WNT9B: variants seen among roughly 807,000 people sequenced by gnomAD.
WNT9B encodes the protein Wnt family member 9B, also known as protein Wnt-9b.
In WNT9B, 12 loss-of-function variants were observed where a neutral mutation model predicts 30.2. The observed-to-expected ratio is 0.40, with a 90% confidence interval of 0.26 to 0.64. The LOEUF (loss-of-function observed/expected upper bound fraction) is 0.64. Among genes scored for constraint, WNT9B ranks in the 30% least tolerant of loss-of-function variants. The pLI is 0.42. For synonymous variants in WNT9B, 218 were observed against 216.9 expected (o/e 1.01, Z -0.05); for missense variants, 442 against 485.2 (o/e 0.91, Z 0.84).
At chr17:46,855,518 C>T (rs1230509956) in intron 1 of WNT9B, among the ~76,000 whole-genome samples, 1 of 152,110 alleles carries the variant, frequency 6.6e-6, no homozygotes, top group Non-Finnish European at 1.5e-5. Flanking sequence ...TGCTAAGGTT[C>T]CCTAATGCTA....
upstream of WNT9B, among the ~76,000 whole-genome samples, chr17:46,847,894 T>G (rs2084794138): frequency 6.6e-6 from 1 of 152,136 alleles, no homozygotes. Flanking sequence ...AGGAGAGGTC[T>G]GCAGACATCC....
rs1229245872 is a variant in WNT9B, at chr17:46,876,057, T to G, written c.601-188T>G. On this transcript the variant is annotated intron_variant, in intron 3 of 3. Coordinates refer to ENST00000290015, the MANE Select transcript of WNT9B (RefSeq NM_003396.3). ...TCACTCAGTTGGTGTGAACTGGGAC[T>G]GCTGTGTTCAGTCGCGTAAGTTGTC... 3.9e-5 allele frequency among the ~76,000 whole-genome samples: 6 copies of G among 152,336 alleles called. No individual in the cohort carries two copies. The South Asian group carries it at 1.0e-3, about 26-fold the overall frequency.
At chr17:46,835,161 AT>A (rs888793055) in intron 1 of WNT9B, among the ~76,000 whole-genome samples, 2 of 151,264 alleles carry the variant, frequency 1.3e-5, no homozygotes, top group Non-Finnish European at 3.0e-5. Context: ...CACCTGGCTA[AT>A]TTTTTTTTAT....
chr17:46,872,505 C>G lies in WNT9B; in HGVS notation c.78-12C>G, dbSNP rs750956269. ...CAAGGCTCACCTGTCTCCCTCCTCTCGCTCTCTCTAGCCTGACCGGGCGGG... is the reference window on the plus strand; with the variant it reads ...CAAGGCTCACCTGTCTCCCTCCTCTGGCTCTCTCTAGCCTGACCGGGCGGG... On this transcript the variant is annotated splice_polypyrimidine_tract_variant and intron_variant, in intron 1 of 3. Transcript: ENST00000290015. The G allele has an allele frequency of 6.8e-7, 1 of 1,476,306 alleles. No homozygotes were observed. The highest frequency in any genetic ancestry group is 1.4e-5 in the African/African-American group (1 of 70,302). The allele number at this position is 1,476,306 out of a possible 1,614,324, so 91.5% of individuals were successfully genotyped here. A position where few individuals can be genotyped will look rare whatever the true frequency, so the allele number is the denominator to read the frequency against.
chr17:46,859,984 G>A (rs2085007733), intron 1 of WNT9B, among the ~76,000 whole-genome samples: 1 of 152,150 alleles, frequency 6.6e-6, no homozygotes. Context: ...CACATTTTTA[G>A]AAATTGAATT....
At chr17:46,858,349 T>C (rs944785314) in intron 1 of WNT9B, among the ~76,000 whole-genome samples, 1 of 152,244 alleles carries the variant, frequency 6.6e-6, no homozygotes, top group Admixed American at 6.5e-5. Context: ...TGTTTTTAAT[T>C]TTGATGAAGT....
At chr17:46,854,636 AC>A (rs1381253733) in intron 1 of WNT9B, among the ~76,000 whole-genome samples, 4 of 151,556 alleles carry the variant, frequency 2.6e-5, no homozygotes, top group South Asian at 2.1e-4. Flanking sequence ...ATAAAAAAAA[AC>A]ATAACTAGTA....
At chr17:46,883,065 G>A (rs755918044), downstream of WNT9B, among the ~76,000 whole-genome samples, 21 of 151,734 alleles carry the variant, frequency 1.4e-4, no homozygotes, top group South Asian at 2.1e-4. Context: ...TGCAAGCTCC[G>A]CCTCCCAGGT....
chr17:46,836,237 A>G (rs765131431), intron 1 of WNT9B, among the ~76,000 whole-genome samples: 1 of 151,888 alleles, frequency 6.6e-6, no homozygotes, highest in Non-Finnish European at 1.5e-5. Flanking sequence ...AGCAGCCAAA[A>G]GAGTGCGGAG....
intron 1 of WNT9B, among the ~76,000 whole-genome samples, chr17:46,863,486 C>G (rs894321533): frequency 5.9e-5 from 9 of 152,116 alleles, no homozygotes; most frequent in African/African-American, 2.2e-4. Context: ...CCATGCGGAA[C>G]TGATGGTACT....
At chr17:46,884,041 G>A (rs922521360), downstream of WNT9B, among the ~76,000 whole-genome samples, 6 of 152,140 alleles carry the variant, frequency 3.9e-5, no homozygotes, top group African/African-American at 1.4e-4. Context: ...GAGTGGTGGA[G>A]GCCGGGCAGA....
At position 46,875,308 on chromosome 17, in the gene WNT9B, G is replaced by A. The variant is rs764565715; in HGVS notation, c.542G>A (p.Arg181Lys). The A allele has an allele frequency of 6.2e-7, 1 of 1,613,870 alleles. No individual in the cohort carries two copies. Among genetic ancestry groups the A allele is most frequent in the African/African-American group, 1.3e-5 (1 of 75,048 alleles). ...CTGAGCAACTTCCTGGGGTCCAAGAGAGGAAACAAGGACCTGCGGGCACGG... is the reference window on the plus strand; with the variant it reads ...CTGAGCAACTTCCTGGGGTCCAAGAAAGGAAACAAGGACCTGCGGGCACGG... ...KFLSNFLGSKRGNKDLRARAD... is the reference protein window; with the variant it reads ...KFLSNFLGSKKGNKDLRARAD... The change falls in exon 3 of 4, where the codon AGA (arginine) becomes AAA (lysine). Residue 181 changes from arginine to lysine, a missense_variant. Transcript: ENST00000290015.
At chr17:46,882,989 T>C (rs1480190257), downstream of WNT9B, among the ~76,000 whole-genome samples, 1 of 151,930 alleles carries the variant, frequency 6.6e-6, no homozygotes, top group Non-Finnish European at 1.5e-5. Flanking sequence ...ATCCCCATTT[T>C]TTTTTTTGAG....
At chr17:46,883,756 G>A (rs575416791), downstream of WNT9B, among the ~76,000 whole-genome samples, 3 of 152,302 alleles carry the variant, frequency 2.0e-5, no homozygotes, top group East Asian at 3.9e-4. Context: ...AGGATTCAGG[G>A]CGACTGGTGG....
Position 46,841,108 on chromosome 17 carries a change from A to G in WNT9B, c.95+7668A>G, listed in dbSNP as rs143367393. Among the ~76,000 whole-genome samples, 700 of 152,320 alleles carry G rather than the reference A, an allele frequency of 4.6e-3. 10 individuals are homozygous for G. Among genetic ancestry groups the G allele is most frequent in the African/African-American group, 0.016 (669 of 41,568 alleles). On this transcript the variant is annotated intron_variant, in intron 1 of 2. Coordinates refer to the WNT9B transcript ENST00000575372. ...CTTATCCCTAGGAAAGAGGGTGCCG[A>G]CAGACAAGGCTCCTTGGAAGCCTGA...
chr17:46,844,194 C>G (rs900825087), intron 1 of WNT9B, among the ~76,000 whole-genome samples: 2 of 151,946 alleles, frequency 1.3e-5, no homozygotes, highest in African/African-American at 4.8e-5. Context: ...TGGCCTCAAG[C>G]AATCCTCCTG....
At chr17:46,861,448 T>A (rs887945273) in intron 1 of WNT9B, among the ~76,000 whole-genome samples, 1 of 152,200 alleles carries the variant, frequency 6.6e-6, no homozygotes, top group East Asian at 1.9e-4. Flanking sequence ...CATTCACTCC[T>A]TCATCTTCTG....
At position 46,851,658 on chromosome 17, in the gene WNT9B, T is replaced by C; in HGVS notation, c.20T>C (p.Leu7Pro). The C allele has an allele frequency of 1.6e-6, 2 of 1,288,530 alleles. No homozygotes were observed. Among genetic ancestry groups the C allele is most frequent in the African/African-American group, 1.6e-5 (1 of 63,744 alleles). The allele number at this position is 1,288,530 out of a possible 1,614,324, so 79.8% of individuals were successfully genotyped here. A position where few individuals can be genotyped will look rare whatever the true frequency, so the allele number is the denominator to read the frequency against. The change falls in exon 1 of 4, where the codon CTG becomes CCG. Residue 7 changes from leucine (L) to proline (P), a missense_variant. By Grantham distance (98) the Leu-to-Pro change is moderately conservative (BLOSUM62 -3). Coordinates refer to ENST00000290015, the MANE Select transcript of WNT9B (RefSeq NM_003396.3). The surrounding 1 kb of genome is among the most constrained non-coding windows in gnomAD (Gnocchi z 4.3). ...AGCACCATGCGCCCCCCGCCCGCGCTGGCCCTGGCCGGGCTCTGCCTGCTG... is the reference window on the plus strand; with the variant it reads ...AGCACCATGCGCCCCCCGCCCGCGCCGGCCCTGGCCGGGCTCTGCCTGCTG... MRPPPA[L>P]ALAGLCLLAL... is the part of the protein sequence containing the mutation.
chr17:46,848,447 A>G (rs909863505), upstream of WNT9B, among the ~76,000 whole-genome samples: 3 of 152,250 alleles, frequency 2.0e-5, no homozygotes, highest in African/African-American at 7.2e-5. Flanking sequence ...CCAGCCCTTC[A>G]GGAGCCCACA....
Sources: gnomAD v4.1 joint callset for allele counts (sites outside exome capture counted in the v4.1 genomes callset) on GRCh38, gnomAD v4.1.1 for gene constraint, Gnocchi (gnomAD v3.1) non-coding constraint, MANE v1.5 for transcripts, NCBI Gene and HGNC (gene_info 2026-07-23, HGNC 2026-07-21) for gene names.